NAF1: variants seen among roughly 807,000 people sequenced by gnomAD.
NAF1 encodes the protein nuclear assembly factor 1 ribonucleoprotein, also known as H/ACA ribonucleoprotein complex non-core subunit NAF1.
In NAF1, 11 loss-of-function variants were observed where a neutral mutation model predicts 40.6. That is an observed-to-expected ratio of 0.27 (90% CI 0.17 to 0.45). The LOEUF is 0.45. Among genes scored for constraint, NAF1 ranks in the 20% least tolerant of loss-of-function variants. NAF1 has a pLI of 1.00. For synonymous variants in NAF1, 260 were observed against 228.5 expected, an observed-to-expected ratio of 1.14 and a Z score of -1.24; for missense variants, 607 against 611.1, an observed-to-expected ratio of 0.99 and a Z score of 0.07.
chr4:163,163,632 T>C (rs1416625926), intron 2 of NAF1, among the ~76,000 whole-genome samples: 1 of 152,120 alleles, frequency 6.6e-6, no homozygotes, highest in Non-Finnish European at 1.5e-5. Flanking sequence ...TTGCAAGAGT[T>C]AACTTTGCAA....
intron 2 of NAF1, among the ~76,000 whole-genome samples, chr4:163,121,576 C>G (rs183872163): frequency 1.3e-5 from 2 of 152,212 alleles, no homozygotes; most frequent in Admixed American, 6.5e-5. Context: ...AACATTTAGA[C>G]CTCAGAGATT....
intron 6 of NAF1, among the ~76,000 whole-genome samples, chr4:163,134,734 C>A (rs1343236269): frequency 6.6e-6 from 1 of 152,068 alleles, no homozygotes; most frequent in East Asian, 1.9e-4. Flanking sequence ...ACAATACACA[C>A]AGAGGCATGA....
In NAF1 at chr4:163,145,884, A is replaced by G; in HGVS notation, c.635-20T>C. 1 of 1,144,580 alleles carries G rather than the reference A, an allele frequency of 8.7e-7. No individual in the cohort carries two copies. The highest frequency in any genetic ancestry group is 1.3e-6 in the Non-Finnish European group (1 of 783,176). 70.9% of individuals were successfully genotyped at this position (1,144,580 alleles called of 1,614,324 possible). The stretch of plus-strand genomic sequence containing the variant: ...TTATTACTGAAAAATAAAATAGATT[A>G]CTTCAAGATTTACTTATAAGAGAAT... On this transcript the variant is annotated intron_variant, in intron 3 of 7. Coordinates refer to ENST00000274054, the MANE Select transcript of NAF1 (RefSeq NM_138386.3).
At chr4:163,161,689 T>C (rs1441481744) in intron 2 of NAF1, among the ~76,000 whole-genome samples, 1 of 152,138 alleles carries the variant, frequency 6.6e-6, no homozygotes, top group African/African-American at 2.4e-5. Context: ...CTCCTAACAA[T>C]GAGTCCAACA....
rs140582916 is a variant in NAF1 at position 163,162,974 on chromosome 4, G to A, written c.540+1243C>T. 1.5e-4 allele frequency among the ~76,000 whole-genome samples: 23 copies of A among 152,214 alleles called. No homozygotes were observed. The East Asian group carries it at 4.4e-3, about 29-fold the overall frequency. ...ATATGCTAAGACTTTGCATTAAATTGGAAGAAATTCCCAAGGTAAGAATTG... is the reference window on the plus strand; with the variant it reads ...ATATGCTAAGACTTTGCATTAAATTAGAAGAAATTCCCAAGGTAAGAATTG... On this transcript the variant is annotated intron_variant, in intron 2 of 7. Coordinates refer to ENST00000274054, the MANE Select transcript of NAF1 (RefSeq NM_138386.3).
chr4:163,119,814 C>A (rs996001698), intron 2 of NAF1: 1 of 152,202 alleles, frequency 6.6e-6, no homozygotes, highest in East Asian at 1.9e-4. Flanking sequence ...ATCGCCTACA[C>A]AACAGCAATT....
At chr4:163,156,507 T>G (rs555996787) in intron 2 of NAF1, among the ~76,000 whole-genome samples, 18 of 151,976 alleles carry the variant, frequency 1.2e-4, no homozygotes, top group Non-Finnish European at 2.2e-4. Context: ...TAATTAAAAT[T>G]AAATAAAATT....
At chr4:163,154,179 G>C (rs1189674327) in intron 2 of NAF1, among the ~76,000 whole-genome samples, 1 of 152,204 alleles carries the variant, frequency 6.6e-6, no homozygotes, top group Non-Finnish European at 1.5e-5. Flanking sequence ...CTTCATTCTT[G>C]AAGTCAGTGA....
intron 2 of NAF1, among the ~76,000 whole-genome samples, chr4:163,112,158 G>A (rs918546326): frequency 1.6e-4 from 24 of 151,550 alleles, no homozygotes; most frequent in African/African-American, 3.4e-4. Context: ...AGAGATAATA[G>A]CGATTTTACA....
chr4:163,115,033 C>T (rs1315796467), intron 2 of NAF1, among the ~76,000 whole-genome samples: 2 of 151,748 alleles, frequency 1.3e-5, no homozygotes, highest in African/African-American at 4.8e-5. Context: ...TTTCCTATGA[C>T]GGTTATCTTA....
At position 163,166,868 on chromosome 4, in the gene NAF1, C is replaced by T. The variant is rs1282572779; in HGVS notation, c.-141G>A. The T allele has an allele frequency of 1.7e-6, 2 of 1,159,986 alleles. No individual in the cohort carries two copies. Among genetic ancestry groups the T allele is most frequent in the Non-Finnish European group, 2.4e-6 (2 of 846,096 alleles). 71.9% of individuals were successfully genotyped at this position (1,159,986 alleles called of 1,614,324 possible). On this transcript the variant is annotated 5_prime_UTR_variant, in exon 1 of 8. Coordinates refer to ENST00000274054, the MANE Select transcript of NAF1 (RefSeq NM_138386.3). ...ACTTCCCGCGTTTCTCAGGTAACTACACGCGGAGGAGCCAAAAGACACGCC... is the reference window on the plus strand; with the variant it reads ...ACTTCCCGCGTTTCTCAGGTAACTATACGCGGAGGAGCCAAAAGACACGCC...
chr4:163,133,023 G>T, intron 7 of NAF1, 131 bp downstream of exon 7: 3 of 716,672 alleles, frequency 4.2e-6, no homozygotes, highest in South Asian at 2.1e-5. Flanking sequence ...CTATGTAATG[G>T]CTCTAAATGT....
intron 2 of NAF1, among the ~76,000 whole-genome samples, chr4:163,161,213 C>T (rs2111051307): frequency 6.6e-6 from 1 of 152,222 alleles, no homozygotes. Context: ...TGGCTCACGC[C>T]TGTAATCCCA....
chr4:163,160,575 G>A (rs1274385733), intron 2 of NAF1, among the ~76,000 whole-genome samples: 2 of 152,160 alleles, frequency 1.3e-5, no homozygotes, highest in Non-Finnish European at 2.9e-5. Flanking sequence ...TAGATCCAGA[G>A]AGGCGACATT....
chr4:163,148,741 G>C (rs1486104183), intron 2 of NAF1, among the ~76,000 whole-genome samples: 1 of 152,082 alleles, frequency 6.6e-6, no homozygotes, highest in Non-Finnish European at 1.5e-5. Flanking sequence ...CCTACTTCCT[G>C]TAAAAAAGGC....
rs1183972644 is a variant in NAF1 at position 163,166,368 on chromosome 4, C to T, written c.360G>A (p.Ser120=). ...GGGTCCCTTAGGCACCCGACCTGTCCGAGTCCGAATCCGAGTCCGAGGTCT... is the reference window on the plus strand; with the variant it reads ...GGGTCCCTTAGGCACCCGACCTGTCTGAGTCCGAATCCGAGTCCGAGGTCT... ...SLETSDSDSD[S]DSETDSDSSS... is the part of the protein sequence containing the mutation. The change falls in exon 1 of 8, where the codon TCG becomes TCA. Residue 120 remains serine, a synonymous_variant. Coordinates refer to ENST00000274054, the MANE Select transcript of NAF1 (RefSeq NM_138386.3). 6 of 1,600,162 alleles carry T rather than the reference C, an allele frequency of 3.7e-6. No homozygotes were observed. In the African/African-American group the frequency reaches 8.1e-5, roughly 21 times the overall value.
chr4:163,165,579 A>T (rs1732419523), intron 1 of NAF1, among the ~76,000 whole-genome samples: 1 of 152,038 alleles, frequency 6.6e-6, no homozygotes, highest in Non-Finnish European at 1.5e-5. Flanking sequence ...AGCCTTCTTC[A>T]CTTCCACTCT....
rs201700729 is a variant in NAF1, at chr4:163,137,257, G to C, written c.879-7C>G. On this transcript the variant is annotated splice_polypyrimidine_tract_variant and splice_region_variant and intron_variant, in intron 5 of 7. Transcript: ENST00000274054. ...TGCATCTGATCCCTTATCCCTGAGTGGGGTGGGGATGGGAGTCAAAAAAGT... is the reference window on the plus strand; with the variant it reads ...TGCATCTGATCCCTTATCCCTGAGTCGGGTGGGGATGGGAGTCAAAAAAGT... 5.0e-4 allele frequency: 807 copies of C among 1,604,430 alleles called. 9 individuals are homozygous for C. In the South Asian group the frequency reaches 6.3e-3, roughly 12 times the overall value.
intron 6 of NAF1, among the ~76,000 whole-genome samples, chr4:163,133,793 A>G (rs1730957318): frequency 6.6e-6 from 1 of 152,218 alleles, no homozygotes. Context: ...AGCTATTTAG[A>G]TAAAACCATA....
Sources: allele counts gnomAD v4.1 joint callset (sites outside exome capture counted in the v4.1 genomes callset), GRCh38; gene constraint gnomAD v4.1.1; transcripts MANE v1.5; gene names NCBI Gene and HGNC (gene_info 2026-07-23, HGNC 2026-07-21).